The following BTN2A1 variants were observed in gnomAD, a reference collection of about 807,000 sequenced individuals.
BTN2A1 encodes the protein butyrophilin subfamily 2 member A1, also known as butyrophilin, subfamily 2, member A1.
BTN2A1 carries 41 observed loss-of-function variants against 34.5 expected under a neutral mutation model. The ratio of observed to expected loss-of-function variants is 1.19; its 90% confidence interval spans 0.93 to 1.54. The LOEUF (loss-of-function observed/expected upper bound fraction) is 1.54, where lower values mean the gene tolerates loss of function less well. Ranked by LOEUF, BTN2A1 falls within the 40% of genes most tolerant of loss-of-function variation. The pLI is 0.00. For synonymous variants in BTN2A1, 267 were observed against 258.6 expected, an observed-to-expected ratio of 1.03 and a Z score of -0.31; for missense variants, 642 against 662.0, an observed-to-expected ratio of 0.97 and a Z score of 0.33.
In BTN2A1 at chr6:26,468,257, A is replaced by G. The variant is rs1437022229; in HGVS notation, c.1292A>G (p.Tyr431Cys). 6.2e-7 allele frequency: 1 copy of G among 1,614,192 alleles called. No homozygotes were observed. Among genetic ancestry groups the G allele is most frequent in the South Asian group, 1.1e-5 (1 of 91,086 alleles). Residue 431 changes from tyrosine to cysteine, a missense_variant, in exon 8 of 8, where the codon TAC becomes TGC. By Grantham distance (194) the Tyr-to-Cys change is radical. Transcript: ENST00000312541. ...FWTLEMHKGQ[Y>C]RAVSSPDRIL... ...ACCTTGGAGATGCATAAAGGGCAAT[A>G]CCGGGCCGTGTCCTCCCCTGATAGG...
In BTN2A1 at chr6:26,474,757, C is replaced by CTTT. The variant is rs11445433; in HGVS notation, c.983-1353_983-1351dup. Among the ~76,000 whole-genome samples, 1,234 of 142,430 alleles carry CTTT rather than the reference C, an allele frequency of 8.7e-3. 16 individuals carry two copies. The highest frequency in any genetic ancestry group is 0.04 in the South Asian group (181 of 4,512). 93.4% of individuals were successfully genotyped at this position (142,430 alleles called of 152,430 possible). ...TACAGTCAGAAAGGAGCAAAGACTC[C>CTTT]TTTTTTTTTTTTTTGTCAGAGTCTC... On this transcript the variant is annotated intron_variant, in intron 7 of 7. Coordinates refer to the BTN2A1 transcript ENST00000469185.
rs760589274 is a variant in BTN2A1, at chr6:26,463,315, A to G, written c.502A>G (p.Arg168Gly). ...GGGCATCCGGCTGGAGTGCATATCTAGAGGGTGGTACCCAAAGCCCCTCAC... is the reference window on the plus strand; with the variant it reads ...GGGCATCCGGCTGGAGTGCATATCTGGAGGGTGGTACCCAAAGCCCCTCAC... The part of the protein sequence containing the change: ...DGGIRLECIS[R>G]GWYPKPLTVW... Residue 168 changes from arginine (R) to glycine (G), a missense_variant, in exon 4 of 8, where the codon AGA becomes GGA. Arg to Gly is a moderately radical substitution (Grantham distance 125, BLOSUM62 -2). Transcript: ENST00000312541. 30 of 1,613,920 alleles carry G rather than the reference A, an allele frequency of 1.9e-5. No homozygotes were observed. The South Asian group carries it at 2.7e-4, about 15-fold the overall frequency.
In BTN2A1 at chr6:26,459,563, C is replaced by G. The variant is rs72500817; in HGVS notation, c.165C>G (p.Pro55=). 2 of 1,613,954 alleles carry G rather than the reference C, an allele frequency of 1.2e-6. No homozygotes were observed. Among genetic ancestry groups the G allele is most frequent in the South Asian group, 1.1e-5 (1 of 91,072 alleles). Residue 55 remains proline (P), a synonymous_variant, in exon 3 of 8, where the codon CCC becomes CCG. Coordinates refer to ENST00000312541, the MANE Select transcript of BTN2A1 (RefSeq NM_007049.5). ...ENTTLRCHLS[P]EKNAEDMEVR... is the part of the protein sequence containing the mutation. ...CTACGTTACGCTGCCATCTGTCACC[C>G]GAGAAAAATGCTGAGGACATGGAGG...
chr6:26,461,134 G>A (rs1763153690), intron 3 of BTN2A1, among the ~76,000 whole-genome samples: 1 of 152,150 alleles, frequency 6.6e-6, no homozygotes, highest in Non-Finnish European at 1.5e-5. Flanking sequence ...ATCATGGAAG[G>A]AGGGTTTCTT....
At position 26,459,438 on chromosome 6, in the gene BTN2A1, G is replaced by T. The variant is rs375338122; in HGVS notation, c.83-43G>T. 1.5e-5 allele frequency: 24 copies of T among 1,587,328 alleles called. No individual in the cohort carries two copies. The Admixed American group carries it at 1.9e-4, about 12-fold the overall frequency. ...GCTTCCTTTCTTGCCTTAGAGATGT[G>T]ATGGCTGGTGTCTTTGTCTGACTCT... On this transcript the variant is annotated intron_variant, in intron 2 of 7. Coordinates refer to ENST00000312541, the MANE Select transcript of BTN2A1 (RefSeq NM_007049.5).
At chr6:26,463,809 A>G (rs1195116880) in intron 4 of BTN2A1, among the ~76,000 whole-genome samples, 1 of 151,384 alleles carries the variant, frequency 6.6e-6, no homozygotes, top group African/African-American at 2.4e-5. Flanking sequence ...ACACTGCTGC[A>G]ATTTTTTTTT....
downstream of BTN2A1, among the ~76,000 whole-genome samples, chr6:26,471,663 A>AAAGAAAGGAAGG (rs528031257): frequency 1.2e-4 from 18 of 151,614 alleles, no homozygotes; most frequent in Admixed American, 3.3e-4. Context: ...GGAAGGAAGG[A>AAAGAAAGGAAGG]AAGGAAGGAA....
At chr6:26,463,700 G>A (rs1401525848) in intron 4 of BTN2A1, among the ~76,000 whole-genome samples, 175 bp downstream of exon 4, 3 of 152,168 alleles carry the variant, frequency 2.0e-5, no homozygotes, top group African/African-American at 4.8e-5. Flanking sequence ...GAATCAAAGT[G>A]TCCCAAAACT....
Position 26,463,537 on chromosome 6 carries a change from G to C in BTN2A1, c.712+12G>C. 2 of 1,610,646 alleles carry C rather than the reference G, an allele frequency of 1.2e-6. No individual in the cohort carries two copies. Among genetic ancestry groups the C allele is most frequent in the South Asian group, 2.2e-5 (2 of 90,728 alleles). On this transcript the variant is annotated intron_variant, in intron 4 of 7. Coordinates refer to ENST00000312541, the MANE Select transcript of BTN2A1 (RefSeq NM_007049.5). The stretch of plus-strand genomic sequence containing the variant: ...CATTTTTATTCCAGGTTAGTTCTCT[G>C]CCCTCTGAGACTCGTCGAGTGCATG...
At chr6:26,471,804 G>A (rs1763457759), downstream of BTN2A1, among the ~76,000 whole-genome samples, 2 of 151,440 alleles carry the variant, frequency 1.3e-5, no homozygotes, top group Non-Finnish European at 3.0e-5. Context: ...TAAGGTTGAG[G>A]AGTCTATATT....
rs771100655 is a variant in BTN2A1, at chr6:26,459,671, G to C, written c.273G>C (p.Glu91Asp). 6.8e-5 allele frequency: 110 copies of C among 1,614,172 alleles called. No individual in the cohort carries two copies. The East Asian group carries it at 2.4e-3, about 35-fold the overall frequency. The change falls in exon 3 of 8, where the codon GAG becomes GAC. Residue 91 changes from glutamate to aspartate, a missense_variant. Physicochemically the swap from Glu to Asp is conservative, Grantham distance 45 (BLOSUM62 2). Coordinates refer to ENST00000312541, the MANE Select transcript of BTN2A1 (RefSeq NM_007049.5). ...GRERTEEQME[E>D]YRGRTTFVSK... ...AGAGAACAGAGGAGCAGATGGAGGA[G>C]TACCGAGGAAGAACCACCTTTGTGA...
At chr6:26,466,129 A>G (rs572216257) in intron 7 of BTN2A1, 41 bp downstream of exon 7, 21 of 1,612,622 alleles carry the variant, frequency 1.3e-5, no homozygotes, top group Non-Finnish European at 1.7e-5. Flanking sequence ...AGCTTTCTCC[A>G]CACTAGCCAG....
chr6:26,466,037 A>T lies in BTN2A1; in HGVS notation c.956-25A>T, dbSNP rs756227827. Reference sequence around the variant, plus strand: ...GTTCTGCTCAGCAACATCTCATGACATTCGTCTCTGTCTGTCCCTTGCAGG... The same window carrying T: ...GTTCTGCTCAGCAACATCTCATGACTTTCGTCTCTGTCTGTCCCTTGCAGG... On this transcript the variant is annotated intron_variant, in intron 6 of 7. Coordinates refer to ENST00000312541, the MANE Select transcript of BTN2A1 (RefSeq NM_007049.5). 4 of 1,614,084 alleles carry T rather than the reference A, an allele frequency of 2.5e-6. No individual in the cohort carries two copies. The African/African-American group carries it at 5.3e-5, about 22-fold the overall frequency.
intron 3 of BTN2A1, among the ~76,000 whole-genome samples, chr6:26,462,584 C>T (rs1763194014): frequency 6.6e-6 from 1 of 152,176 alleles, no homozygotes; most frequent in Non-Finnish European, 1.5e-5. Context: ...TGGATGGAGC[C>T]TCTGGGAGGT....
chr6:26,462,461 C>T (rs573419098), intron 3 of BTN2A1, among the ~76,000 whole-genome samples: 7 of 152,294 alleles, frequency 4.6e-5, no homozygotes, highest in Admixed American at 4.6e-4. Context: ...GCAGGAGGAT[C>T]TCTTGAGCCC....
chr6:26,474,349 G>A (rs1763502857), downstream of BTN2A1, among the ~76,000 whole-genome samples: 1 of 152,212 alleles, frequency 6.6e-6, no homozygotes, highest in South Asian at 2.1e-4. Context: ...TTCCCTTGTG[G>A]AATGGAGCTC....
Position 26,465,252 on chromosome 6 carries a change from A to G in BTN2A1, c.780A>G (p.Ile260Met). 1.2e-6 allele frequency: 2 copies of G among 1,614,120 alleles called. No homozygotes were observed. The highest frequency in any genetic ancestry group is 4.5e-5 in the East Asian group (2 of 44,882). Residue 260 changes from isoleucine to methionine, a missense_variant, in exon 5 of 8, where the codon ATA (isoleucine) becomes ATG (methionine). Transcript: ENST00000312541. ...ALPIIVVILM[I>M]PIAVCIYWIN... ...CTATCATTGTGGTTATTCTGATGAT[A>G]CCCATTGCCGTATGCATCTATTGGA...
chr6:26,466,739 A>C (rs1763326403), intron 7 of BTN2A1, among the ~76,000 whole-genome samples: 1 of 152,248 alleles, frequency 6.6e-6, no homozygotes, highest in Non-Finnish European at 1.5e-5. Flanking sequence ...ACCATGGCAC[A>C]TGGACCTTTC....
chr6:26,471,563 A>G (rs548061342), downstream of BTN2A1, among the ~76,000 whole-genome samples: 9 of 152,306 alleles, frequency 5.9e-5, no homozygotes, highest in East Asian at 1.7e-3. Context: ...CCCTGTCTGT[A>G]CTAAAACCCA....
Sources: allele counts gnomAD v4.1 joint callset (sites outside exome capture counted in the v4.1 genomes callset), GRCh38; gene constraint gnomAD v4.1.1; transcripts MANE v1.5; gene names NCBI Gene and HGNC (gene_info 2026-07-23, HGNC 2026-07-21).